FBXO21: variants seen among roughly 807,000 people sequenced by gnomAD.
FBXO21 encodes F-box protein 21, also known as F-box only protein 21.
Under a neutral mutation model 76.6 loss-of-function variants are expected in FBXO21, and 32 were observed. The observed-to-expected ratio is 0.42, with a 90% CI of 0.32 to 0.56. The LOEUF (loss-of-function observed/expected upper bound fraction) is 0.56, where lower values mean the gene tolerates loss of function less well. Ranked by LOEUF, FBXO21 falls within the 20% of genes least tolerant of loss-of-function variation. The pLI is 0.16. For synonymous variants in FBXO21, 328 were observed against 311.5 expected, an observed-to-expected ratio of 1.05 and a Z score of -0.56; for missense variants, 586 against 797.3, an observed-to-expected ratio of 0.73 and a Z score of 3.19.
At position 117,174,295 on chromosome 12, in the gene FBXO21, C is replaced by T; in HGVS notation, c.786G>A (p.Leu262=). 6.2e-7 allele frequency: 1 copy of T among 1,613,924 alleles called. No individual in the cohort carries two copies. Among genetic ancestry groups the T allele is most frequent in the South Asian group, 1.1e-5 (1 of 91,074 alleles). ...CGTAAAGGACATAGTTCATGGCATCCAGCACCTGGCTCTGGAGTTCTATTT... is the reference window on the plus strand; with the variant it reads ...CGTAAAGGACATAGTTCATGGCATCTAGCACCTGGCTCTGGAGTTCTATTT... The part of the protein sequence containing the change: ...IMEIELQSQV[L]DAMNYVLYDQ... Residue 262 remains leucine, a synonymous_variant, in exon 6 of 12, where the codon CTG becomes CTA. Transcript: ENST00000622495.
intron 6 of FBXO21, 142 bp downstream of exon 6, chr12:117,174,060 CCAG>C: frequency 1.5e-6 from 1 of 655,016 alleles, no homozygotes; most frequent in Non-Finnish European, 2.7e-6. Context: ...TCGCCTGAGC[CCAG>C]GAGTTTGAGG....
rs1566012136 is a variant in FBXO21, at chr12:117,190,405, C to T, written c.52G>A (p.Glu18Lys). ...CCCGCTACCTCCGGCGCGGCCTCCTCCGCCAGCGCCGGCACCACCTCCATC... is the reference window on the plus strand; with the variant it reads ...CCCGCTACCTCCGGCGCGGCCTCCTTCGCCAGCGCCGGCACCACCTCCATC... ...SAMEVVPALAEEAAPEVAGLS... is the reference protein window; with the variant it reads ...SAMEVVPALAKEAAPEVAGLS... The change falls in exon 1 of 12, where the codon GAG becomes AAG. Residue 18 changes from glutamate (E) to lysine (K), a missense_variant. By Grantham distance (56) the Glu-to-Lys change is moderately conservative. Around this residue, in one of 6 missense-constraint regions of FBXO21, gnomAD observed 152 missense variants for 127.2 expected, o/e 1.19. Transcript: ENST00000622495. The T allele has an allele frequency of 3.4e-6, 5 of 1,489,268 alleles. No homozygotes were observed. In the South Asian group the frequency reaches 5.0e-5, roughly 15 times the overall value. 92.3% of individuals were successfully genotyped at this position (1,489,268 alleles called of 1,614,324 possible).
Position 117,146,207 on chromosome 12 carries a change from A to G in FBXO21, c.1746T>C (p.Phe582=). 1.2e-6 allele frequency: 2 copies of G among 1,614,018 alleles called. No individual in the cohort carries two copies. Among genetic ancestry groups the G allele is most frequent in the Non-Finnish European group, 1.7e-6 (2 of 1,179,968 alleles). Residue 582 remains phenylalanine (F), a synonymous_variant, in exon 12 of 12, where the codon TTT becomes TTC. Transcript: ENST00000622495. ...HPDVGRYFSE[F]TGTHYIPNAE... ...CGTTTGGGATGTAGTGAGTGCCAGT[A>G]AACTCTGAGAAATAGCGTCCCACGT...
chr12:117,167,026 G>A lies in FBXO21; in HGVS notation c.1065C>T (p.Gly355=). The A allele has an allele frequency of 6.2e-7, 1 of 1,614,108 alleles. No individual in the cohort carries two copies. Among genetic ancestry groups the A allele is most frequent in the Non-Finnish European group, 8.5e-7 (1 of 1,180,020 alleles). ...CGCATTCTTTCACTGTCAGCTGCTT[G>A]CCTTTCCCAAAAGCATCTATGTAGA... ...DYIYIDAFGK[G]KQLTVKECEY... is the part of the protein sequence containing the mutation. The change falls in exon 8 of 12, where the codon GGC becomes GGT. Residue 355 remains glycine (G), a synonymous_variant. Coordinates refer to ENST00000622495, the MANE Select transcript of FBXO21 (RefSeq NM_015002.3).
rs933078775 is a variant in FBXO21, at chr12:117,144,476, C to T, written c.*1611G>A. ...CTTTCTAGTAACTGCTTAAAGCCTT[C>T]CCTTGCTATGAAGTGGTCTCAGGTG... On this transcript the variant is annotated 3_prime_UTR_variant, in exon 12 of 12. Coordinates refer to ENST00000622495, the MANE Select transcript of FBXO21 (RefSeq NM_015002.3). The T allele has an allele frequency of 5.3e-5, 8 of 152,148 alleles. No individual in the cohort carries two copies. Among genetic ancestry groups the T allele is most frequent in the African/African-American group, 1.7e-4 (7 of 41,436 alleles). 9.4% of individuals were successfully genotyped at this position (152,148 alleles called of 1,614,324 possible). A position where few individuals can be genotyped will look rare whatever the true frequency, so the allele number is the denominator to read the frequency against.
chr12:117,159,590 C>T (rs1033559301), intron 9 of FBXO21, among the ~76,000 whole-genome samples: 2 of 152,208 alleles, frequency 1.3e-5, no homozygotes, highest in Admixed American at 6.5e-5. Flanking sequence ...GACAGCCAAT[C>T]CCCCTGTGCC....
At chr12:117,178,977 T>C (rs1255152121) in intron 3 of FBXO21, among the ~76,000 whole-genome samples, 3 of 152,154 alleles carry the variant, frequency 2.0e-5, no homozygotes, top group African/African-American at 7.2e-5. Context: ...AGATGTTCCA[T>C]AACACTTGTT....
chr12:117,143,430 C>T lies in FBXO21; in HGVS notation c.*2657G>A, dbSNP rs2135835914. The T allele has an allele frequency of 6.6e-6, 1 of 152,344 alleles. No homozygotes were observed. Among genetic ancestry groups the T allele is most frequent in the East Asian group, 1.9e-4 (1 of 5,192 alleles). 9.4% of individuals were successfully genotyped at this position (152,344 alleles called of 1,614,324 possible). On this transcript the variant is annotated 3_prime_UTR_variant, in exon 12 of 12. Coordinates refer to ENST00000622495, the MANE Select transcript of FBXO21 (RefSeq NM_015002.3). ...CAGTGCTCTGAAGACATTCTGGACA[C>T]ATCGTATACAGCACAGCCATTCAAA...
At chr12:117,166,114 C>T (rs1167344368) in intron 8 of FBXO21, among the ~76,000 whole-genome samples, 1 of 150,932 alleles carries the variant, frequency 6.6e-6, no homozygotes, top group African/African-American at 2.4e-5. Context: ...CGCTTGAATC[C>T]AGGAGACAGA....
At chr12:117,180,426 G>T (rs1279489198) in intron 3 of FBXO21, among the ~76,000 whole-genome samples, 3 of 152,136 alleles carry the variant, frequency 2.0e-5, no homozygotes, top group Non-Finnish European at 4.4e-5. Context: ...GTTCACACTG[G>T]CACTTCTAAT....
intron 5 of FBXO21, 36 bp downstream of exon 5, chr12:117,174,615 T>C: frequency 6.3e-7 from 1 of 1,597,700 alleles, no homozygotes; most frequent in Non-Finnish European, 8.5e-7. Context: ...TAGATTTTCT[T>C]TCATAAATAC....
At chr12:117,168,348 A>T (rs1401921813) in intron 7 of FBXO21, among the ~76,000 whole-genome samples, 3 of 152,088 alleles carry the variant, frequency 2.0e-5, no homozygotes, top group Non-Finnish European at 2.9e-5. Flanking sequence ...ACATTGTGAA[A>T]CCCTGTCTTT....
chr12:117,175,213 CA>C (rs112246814), intron 4 of FBXO21, among the ~76,000 whole-genome samples: 1 of 150,346 alleles, frequency 6.7e-6, no homozygotes, highest in Non-Finnish European at 1.5e-5. Flanking sequence ...AACAAAACAA[CA>C]AAAAAAAACA....
Position 117,146,180 on chromosome 12 carries a change from T to C in FBXO21, c.1773A>G (p.Ala591=), listed in dbSNP as rs78022921. 2.9e-3 allele frequency: 4,642 copies of C among 1,614,094 alleles called. 133 individuals carry two copies. The African/African-American group carries it at 0.056, about 20-fold the overall frequency. ...EFTGTHYIPN[A]ELEIRYPEDL... ...CTTCTGGATACCGGATCTCCAGCTC[T>C]GCGTTTGGGATGTAGTGAGTGCCAG... Residue 591 remains alanine (A), a synonymous_variant, in exon 12 of 12, where the codon GCA becomes GCG. Coordinates refer to ENST00000622495, the MANE Select transcript of FBXO21 (RefSeq NM_015002.3).
intron 11 of FBXO21, 197 bp downstream of exon 11, chr12:117,155,594 T>A: frequency 4.7e-6 from 3 of 637,424 alleles, no homozygotes; most frequent in Non-Finnish European, 8.2e-6. Context: ...GTATGACTAC[T>A]GACCCCTCGC....
chr12:117,190,397 G>C lies in FBXO21; in HGVS notation c.60C>G (p.Ala20=), dbSNP rs1592902996. The C allele has an allele frequency of 2.0e-6, 3 of 1,495,566 alleles. No homozygotes were observed. The highest frequency in any genetic ancestry group is 2.9e-5 in the East Asian group (1 of 34,954). 92.6% of individuals were successfully genotyped at this position (1,495,566 alleles called of 1,614,324 possible). ...AGCTGAGGCCCGCTACCTCCGGCGC[G>C]GCCTCCTCCGCCAGCGCCGGCACCA... ...MEVVPALAEE[A]APEVAGLSCL... The change falls in exon 1 of 12, where the codon GCC becomes GCG. Residue 20 remains alanine (A), a synonymous_variant. Coordinates refer to ENST00000622495, the MANE Select transcript of FBXO21 (RefSeq NM_015002.3).
chr12:117,190,465 C>T lies in FBXO21; in HGVS notation c.-9G>A, dbSNP rs1226592522. 7.9e-7 allele frequency: 1 copy of T among 1,261,688 alleles called. No individual in the cohort carries two copies. 78.2% of individuals were successfully genotyped at this position (1,261,688 alleles called of 1,614,324 possible). A position where few individuals can be genotyped will look rare whatever the true frequency, so the allele number is the denominator to read the frequency against. On this transcript the variant is annotated 5_prime_UTR_variant, in exon 1 of 12. Coordinates refer to ENST00000622495, the MANE Select transcript of FBXO21 (RefSeq NM_015002.3). Reference sequence around the variant, plus strand: ...ACTGCTGCCGCCGCCATCTTGTCCGCGTACCTGGGGCCGCCGCGCGCGCGC... The same window carrying T: ...ACTGCTGCCGCCGCCATCTTGTCCGTGTACCTGGGGCCGCCGCGCGCGCGC...
At position 117,144,653 on chromosome 12, in the gene FBXO21, T is replaced by C. The variant is rs541366736; in HGVS notation, c.*1434A>G. On this transcript the variant is annotated 3_prime_UTR_variant, in exon 12 of 12. Transcript: ENST00000622495. Reference sequence around the variant, plus strand: ...ACTAGAGCAACTGCATTATTTTAAATGTTGAGAGCAAAGTAACTAGGTCCT... The same window carrying C: ...ACTAGAGCAACTGCATTATTTTAAACGTTGAGAGCAAAGTAACTAGGTCCT... 4 of 152,286 alleles carry C rather than the reference T, an allele frequency of 2.6e-5. No homozygotes were observed. Among genetic ancestry groups the C allele is most frequent in the Admixed American group, 1.3e-4 (2 of 15,302 alleles). 9.4% of individuals were successfully genotyped at this position (152,286 alleles called of 1,614,324 possible).
intron 11 of FBXO21, chr12:117,155,571 TG>T: frequency 1.7e-6 from 1 of 602,106 alleles, no homozygotes; most frequent in Non-Finnish European, 3.0e-6. Flanking sequence ...GCGGAGGCCC[TG>T]GGGGAGGGCG....
Sources: gnomAD v4.1 joint callset for allele counts (sites outside exome capture counted in the v4.1 genomes callset) on GRCh38, gnomAD v4.1.1 for gene constraint, gnomAD v4.1.1 regional missense constraint, MANE v1.5 for transcripts, NCBI Gene and HGNC (gene_info 2026-07-23, HGNC 2026-07-21) for gene names.